DCHS2: variants seen among roughly 807,000 people sequenced by gnomAD.
DCHS2 encodes dachsous cadherin-related 2.
Under a neutral mutation model 182.4 loss-of-function variants are expected in DCHS2, and 142 were observed. The observed-to-expected ratio is 0.78, with a 90% confidence interval of 0.68 to 0.89. The LOEUF (loss-of-function observed/expected upper bound fraction) is 0.89. Among genes scored for constraint, DCHS2 ranks in the 40% least tolerant of loss-of-function variants. The pLI, the probability that DCHS2 is intolerant of heterozygous loss-of-function variation, is 0.00. For missense variants in DCHS2, 4,319 were observed against 4,198.6 expected, an observed-to-expected ratio of 1.03 and a Z score of -0.79; for synonymous variants, 1,740 against 1,663.3, an observed-to-expected ratio of 1.05 and a Z score of -1.12.
At chr4:154,418,009 T>A (rs1031533687) in intron 1 of DCHS2, among the ~76,000 whole-genome samples, 3 of 152,246 alleles carry the variant, frequency 2.0e-5, no homozygotes, top group Non-Finnish European at 4.4e-5. Context: ...ATGATATTAG[T>A]AGGAAAAATG....
chr4:154,482,890 G>T (rs930619247), intron 1 of DCHS2, among the ~76,000 whole-genome samples: 1 of 152,196 alleles, frequency 6.6e-6, no homozygotes. Context: ...TGAGTAGGAA[G>T]CATAGTTACC....
chr4:154,316,911 A>G (rs1463343054), intron 9 of DCHS2, among the ~76,000 whole-genome samples: 1 of 152,244 alleles, frequency 6.6e-6, no homozygotes, highest in African/African-American at 2.4e-5. Flanking sequence ...ATACTGGCAC[A>G]CAGATAGCCA....
chr4:154,250,603 C>T (rs746463290), intron 16 of DCHS2, among the ~76,000 whole-genome samples: 1 of 152,184 alleles, frequency 6.6e-6, no homozygotes, highest in African/African-American at 2.4e-5. Flanking sequence ...AAGAACCATT[C>T]TATCTCTTTT....
chr4:154,371,636 A>G (rs1730651691), intron 2 of DCHS2, among the ~76,000 whole-genome samples: 1 of 152,206 alleles, frequency 6.6e-6, no homozygotes, highest in African/African-American at 2.4e-5. Flanking sequence ...TAATTGGCTC[A>G]TGGCTCTGCA....
intron 3 of DCHS2, among the ~76,000 whole-genome samples, chr4:154,339,450 AC>A (rs893553314): frequency 2.0e-5 from 3 of 148,694 alleles, no homozygotes; most frequent in African/African-American, 7.5e-5. Context: ...ACATGAACAA[AC>A]TTTTTTTTTT....
At chr4:154,383,840 C>T (rs1320971973) in intron 1 of DCHS2, among the ~76,000 whole-genome samples, 3 of 151,860 alleles carry the variant, frequency 2.0e-5, no homozygotes, top group Non-Finnish European at 2.9e-5. Flanking sequence ...AAAATAAAAA[C>T]GTCTCAGAGC....
At position 154,297,913 on chromosome 4, in the gene DCHS2, T is replaced by A. The variant is rs758731445; in HGVS notation, c.6401A>T (p.Asp2134Val). ...GTGGTGGCTGAAGGAAATCTTTACATCTTCTCCTTCCATGTGAATGACCAA... is the reference window on the plus strand; with the variant it reads ...GTGGTGGCTGAAGGAAATCTTTACAACTTCTCCTTCCATGTGAATGACCAA... ...GLLVIHMEGE[D>V]VKISFSHHLY... is the part of the protein sequence containing the mutation. Residue 2134 changes from aspartate (D) to valine (V), a missense_variant, in exon 13 of 20, where the codon GAT becomes GTT. Transcript: ENST00000357232. The A allele has an allele frequency of 2.5e-6, 4 of 1,613,982 alleles. No individual in the cohort carries two copies. The highest frequency in any genetic ancestry group is 2.7e-5 in the African/African-American group (2 of 74,920).
intron 1 of DCHS2, among the ~76,000 whole-genome samples, chr4:154,434,448 A>G (rs1299731305): frequency 6.6e-6 from 1 of 152,208 alleles, no homozygotes; most frequent in Non-Finnish European, 1.5e-5. Context: ...ACTGGCAAAA[A>G]TAATACAATA....
chr4:154,363,236 C>A (rs1382072268), intron 3 of DCHS2, among the ~76,000 whole-genome samples: 2 of 152,090 alleles, frequency 1.3e-5, no homozygotes, highest in Non-Finnish European at 2.9e-5. Flanking sequence ...GAAAAAAAAT[C>A]AGTATGTCAA....
At chr4:154,272,184 T>C (rs1199429714) in intron 13 of DCHS2, 1 of 152,148 alleles carries the variant, frequency 6.6e-6, no homozygotes, top group Non-Finnish European at 1.5e-5. Flanking sequence ...GCATTTGAAT[T>C]ATTTCCAGTT....
At chr4:154,280,012 G>GA (rs955749739) in intron 13 of DCHS2, among the ~76,000 whole-genome samples, 2 of 149,110 alleles carry the variant, frequency 1.3e-5, no homozygotes, top group African/African-American at 2.5e-5. Context: ...GAGAGAGAGA[G>GA]AAAAAAATGA....
intron 2 of DCHS2, among the ~76,000 whole-genome samples, chr4:154,371,890 A>G (rs1730664318): frequency 6.6e-6 from 1 of 152,168 alleles, no homozygotes; most frequent in Admixed American, 6.5e-5. Flanking sequence ...ATCCACCCTC[A>G]TGATCCAAAC....
intron 19 of DCHS2, among the ~76,000 whole-genome samples, chr4:154,238,103 C>G (rs1331255392): frequency 1.7e-5 from 2 of 120,390 alleles, no homozygotes; most frequent in South Asian, 2.8e-4. Flanking sequence ...GCCGGGGTGG[C>G]AGTTGCCATC....
intron 1 of DCHS2, among the ~76,000 whole-genome samples, chr4:154,425,151 C>T (rs574498369): frequency 6.6e-5 from 10 of 152,098 alleles, no homozygotes; most frequent in Non-Finnish European, 1.2e-4. Flanking sequence ...AGGGGTCTAC[C>T]CCTTCAGTAC....
intron 1 of DCHS2, among the ~76,000 whole-genome samples, chr4:154,469,713 C>T (rs1438300644): frequency 6.6e-6 from 1 of 152,170 alleles, no homozygotes; most frequent in Non-Finnish European, 1.5e-5. Flanking sequence ...TAGCAAGCTC[C>T]TACCTGTCTC....
rs769774270 is a variant in DCHS2, at chr4:154,489,955, G to C, written c.1401C>G (p.Ile467Met). The change falls in exon 1 of 20, where the codon ATC becomes ATG. Residue 467 changes from isoleucine (I) to methionine (M), a missense_variant. By Grantham distance (10) the Ile-to-Met change is conservative. Transcript: ENST00000357232. ...ELGVGLGDGSISLSLEGGEGD... is the reference protein window; with the variant it reads ...ELGVGLGDGSMSLSLEGGEGD... ...CCTCTCCGCCTTCCAAGGACAGAGAGATGCTCCCGTCTCCAAGACCCACAC... is the reference window on the plus strand; with the variant it reads ...CCTCTCCGCCTTCCAAGGACAGAGACATGCTCCCGTCTCCAAGACCCACAC... 3.9e-6 allele frequency: 6 copies of C among 1,544,422 alleles called. No homozygotes were observed. The South Asian group carries it at 6.0e-5, about 15-fold the overall frequency.
chr4:154,279,965 A>C (rs1187851952), intron 13 of DCHS2, among the ~76,000 whole-genome samples: 1 of 152,000 alleles, frequency 6.6e-6, no homozygotes, highest in Non-Finnish European at 1.5e-5. Flanking sequence ...AAAATTGGCA[A>C]AGCCTTAGCT....
At chr4:154,437,854 G>T (rs2110948861) in intron 1 of DCHS2, among the ~76,000 whole-genome samples, 1 of 152,184 alleles carries the variant, frequency 6.6e-6, no homozygotes, top group Non-Finnish European at 1.5e-5. Flanking sequence ...CAGTTATACA[G>T]TAGAGATTTG....
At chr4:154,383,186 G>A (rs139910997) in intron 1 of DCHS2, among the ~76,000 whole-genome samples, 1,623 of 152,288 alleles carry the variant, frequency 0.011, 9 homozygotes, top group Middle Eastern at 0.078. Flanking sequence ...GTCCTTTGCA[G>A]AAACATGAAT....
Sources: gnomAD v4.1 joint callset for allele counts (sites outside exome capture counted in the v4.1 genomes callset) on GRCh38, gnomAD v4.1.1 for gene constraint, MANE v1.5 for transcripts, NCBI Gene and HGNC (gene_info 2026-07-23, HGNC 2026-07-21) for gene names.